NXPE2: variants seen among roughly 807,000 people sequenced by gnomAD.
NXPE2 encodes the protein neurexophilin and PC-esterase domain family member 2.
In NXPE2, 34 loss-of-function variants were observed where a neutral mutation model predicts 34.4. The ratio of observed to expected loss-of-function variants is 0.99; its 90% confidence interval spans 0.75 to 1.31. NXPE2 has a LOEUF of 1.31. NXPE2 is among the 40% of genes most tolerant of loss of function. The probability of loss-of-function intolerance (pLI) is 0.00; values close to 1 mark genes in which losing one functional copy is unlikely to be tolerated. For synonymous variants in NXPE2, 235 were observed against 231.3 expected, an observed-to-expected ratio of 1.02 and a Z score of -0.15; for missense variants, 649 against 672.5, an observed-to-expected ratio of 0.97 and a Z score of 0.39.
the NXPE2 span, among the ~76,000 whole-genome samples, chr11:114,652,328 T>C: frequency 6.6e-6 from 1 of 152,210 alleles, no homozygotes; most frequent in African/African-American, 2.4e-5. Context: ...TTGGAAAGGC[T>C]TCAGAGCACC....
At chr11:114,784,133 T>C in the NXPE2 span, among the ~76,000 whole-genome samples, 4 of 152,210 alleles carry the variant, frequency 2.6e-5, no homozygotes, top group Admixed American at 1.3e-4. Context: ...CCCTGGCTTC[T>C]AACTACTATG....
the NXPE2 span, chr11:114,582,439 C>T: frequency 4.3e-6 from 7 of 1,614,162 alleles, no homozygotes; most frequent in Non-Finnish European, 5.9e-6. Flanking sequence ...CACAATTCAG[C>T]ATTTGTGTTT....
chr11:114,629,112 A>T, the NXPE2 span, among the ~76,000 whole-genome samples: 3 of 151,956 alleles, frequency 2.0e-5, no homozygotes, highest in Non-Finnish European at 4.4e-5. Context: ...AACTGGTACC[A>T]TTCCTTCTGA....
chr11:114,739,328 CTT>C, the NXPE2 span, among the ~76,000 whole-genome samples: 1 of 55,814 alleles, frequency 1.8e-5, no homozygotes, highest in Non-Finnish European at 4.0e-5. Context: ...TCCTTCCTTC[CTT>C]CCTTCCTTCC....
the NXPE2 span, among the ~76,000 whole-genome samples, chr11:114,635,003 A>G: frequency 6.6e-6 from 1 of 152,008 alleles, no homozygotes; most frequent in Admixed American, 6.6e-5. Flanking sequence ...CTGTGAAGAA[A>G]GTCATTGGTA....
chr11:114,741,788 T>C, the NXPE2 span, among the ~76,000 whole-genome samples: 2 of 152,358 alleles, frequency 1.3e-5, no homozygotes, highest in African/African-American at 4.8e-5. Flanking sequence ...TTTTCATCTT[T>C]GTTAGGCAAT....
the NXPE2 span, among the ~76,000 whole-genome samples, chr11:114,627,733 TAA>T: frequency 6.6e-6 from 1 of 152,116 alleles, no homozygotes; most frequent in East Asian, 1.9e-4. Context: ...GCAAATTGGT[TAA>T]AGAGTCAAGA....
rs567650379 is a variant in NXPE2 at position 114,698,515 on chromosome 11, A to T, written c.603A>T (p.Ser201=). Residue 201 remains serine, a synonymous_variant, in exon 3 of 6, where the codon TCA becomes TCT. Transcript: ENST00000389586. ...LLLIHPSEGV[S]ALWRARNQGC... ...TCATCCACCCCAGTGAAGGGGTATC[A>T]GCTCTCTGGAGGGCAAGGAACCAAG... is the stretch of plus-strand genomic sequence containing the variant. 2.7e-5 allele frequency: 43 copies of T among 1,614,092 alleles called. No homozygotes were observed. The South Asian group carries it at 4.7e-4, about 18-fold the overall frequency.
the NXPE2 span, among the ~76,000 whole-genome samples, chr11:114,773,663 G>C: frequency 2.1e-5 from 3 of 144,132 alleles, no homozygotes; most frequent in Non-Finnish European, 3.0e-5. Flanking sequence ...GTGTGTCTGT[G>C]GGATTGTTTA....
the NXPE2 span, chr11:114,521,946 G>A: frequency 6.5e-6 from 10 of 1,544,330 alleles, no homozygotes; most frequent in African/African-American, 1.4e-5. Context: ...GGTTCCTAGT[G>A]ATTTTGTATA....
the NXPE2 span, among the ~76,000 whole-genome samples, chr11:114,764,868 T>A: frequency 2.6e-5 from 4 of 152,196 alleles, no homozygotes; most frequent in Non-Finnish European, 5.9e-5. Flanking sequence ...TTTGTGAACA[T>A]CTAATGTACC....
chr11:114,491,762 A>G, the NXPE2 span, among the ~76,000 whole-genome samples: 3 of 152,220 alleles, frequency 2.0e-5, no homozygotes, highest in South Asian at 6.2e-4. Context: ...ACCAACCCAA[A>G]TGTCCAACAA....
At chr11:114,590,768 T>C in the NXPE2 span, among the ~76,000 whole-genome samples, 1 of 152,208 alleles carries the variant, frequency 6.6e-6, no homozygotes, top group East Asian at 1.9e-4. Flanking sequence ...GCAATTGCCA[T>C]ATTGGCCCTA....
the NXPE2 span, chr11:114,550,969 T>C: frequency 1.2e-5 from 7 of 593,640 alleles, no homozygotes; most frequent in Admixed American, 2.9e-5. Context: ...AGGAGTTAGG[T>C]AGAGAGAGAG....
chr11:114,517,913 T>C, the NXPE2 span: 1 of 152,286 alleles, frequency 6.6e-6, no homozygotes, highest in African/African-American at 2.4e-5. Flanking sequence ...CTCTTTGTTA[T>C]AGCCACACAA....
At chr11:114,769,874 T>C in the NXPE2 span, among the ~76,000 whole-genome samples, 1 of 152,162 alleles carries the variant, frequency 6.6e-6, no homozygotes, top group African/African-American at 2.4e-5. Flanking sequence ...GACAGGATGA[T>C]GGGTGCAGTA....
the NXPE2 span, among the ~76,000 whole-genome samples, chr11:114,793,649 T>C: frequency 1.3e-5 from 2 of 152,220 alleles, no homozygotes; most frequent in South Asian, 4.2e-4. Flanking sequence ...GCAGGTTGCA[T>C]GTTGAAGGTA....
the NXPE2 span, among the ~76,000 whole-genome samples, chr11:114,747,637 A>C: frequency 6.6e-6 from 1 of 152,182 alleles, no homozygotes; most frequent in Non-Finnish European, 1.5e-5. Context: ...CAAGGGGGGA[A>C]CTGCCAAGCA....
chr11:114,771,253 C>T, the NXPE2 span, among the ~76,000 whole-genome samples: 1 of 151,272 alleles, frequency 6.6e-6, no homozygotes, highest in East Asian at 1.9e-4. Context: ...AGAAACTTTC[C>T]CTCAGGGCTC....
Sources: gnomAD v4.1 joint callset for allele counts (sites outside exome capture counted in the v4.1 genomes callset) on GRCh38, gnomAD v4.1.1 for gene constraint, MANE v1.5 for transcripts, NCBI Gene and HGNC (gene_info 2026-07-23, HGNC 2026-07-21) for gene names.